SSPN: variants seen among roughly 807,000 people sequenced by gnomAD.
The protein encoded by SSPN is sarcospan.
SSPN carries 15 observed loss-of-function variants against 19.1 expected under a neutral mutation model. That is an observed-to-expected ratio of 0.78 (90% CI 0.52 to 1.21). SSPN has a LOEUF of 1.21. SSPN is among the 50% of genes most tolerant of loss of function. The pLI is 0.00. For synonymous variants in SSPN, 147 were observed against 140.3 expected (o/e 1.05, Z -0.34); for missense variants, 291 against 314.0 (o/e 0.93, Z 0.55).
chr12:26,226,171 A>G (rs570570562), intron 2 of SSPN, among the ~76,000 whole-genome samples: 68 of 152,086 alleles, frequency 4.5e-4, no homozygotes, highest in Non-Finnish European at 6.9e-4. Context: ...GTTGCATGCT[A>G]CATTATCTTC....
chr12:26,229,885 G>T (rs576786744), intron 2 of SSPN, among the ~76,000 whole-genome samples: 1 of 152,330 alleles, frequency 6.6e-6, no homozygotes, highest in South Asian at 2.1e-4. Context: ...GTTTTGCTCA[G>T]AATATTTTAG....
intron 1 of SSPN, among the ~76,000 whole-genome samples, chr12:26,207,514 A>AT (rs1339048056): frequency 1.3e-5 from 2 of 152,082 alleles, no homozygotes; most frequent in Non-Finnish European, 2.9e-5. Context: ...TGAATTTGGT[A>AT]TTTTTTATGC....
intron 1 of SSPN, among the ~76,000 whole-genome samples, chr12:26,222,712 C>T (rs548540387): frequency 6.6e-5 from 10 of 152,178 alleles, no homozygotes; most frequent in Non-Finnish European, 1.2e-4. Context: ...TGATTAGAAA[C>T]TCTAAATCCT....
intron 1 of SSPN, among the ~76,000 whole-genome samples, chr12:26,186,524 A>G (rs1944755400): frequency 6.6e-6 from 1 of 152,204 alleles, no homozygotes; most frequent in African/African-American, 2.4e-5. Context: ...GTCTTCCCAC[A>G]CAAGTTGACA....
At chr12:26,194,700 A>G (rs1944810783), upstream of SSPN, among the ~76,000 whole-genome samples, 1 of 152,196 alleles carries the variant, frequency 6.6e-6, no homozygotes, top group Non-Finnish European at 1.5e-5. Flanking sequence ...AATACACGTG[A>G]GAGGCCGGGT....
chr12:26,122,454 A>G, intron 1 of SSPN: 1 of 1,354,018 alleles, frequency 7.4e-7, no homozygotes, highest in Non-Finnish European at 9.6e-7. Flanking sequence ...AGAAGGCGAG[A>G]GGAAGCAGAA....
chr12:26,122,038 G>C, exon 1 of SSPN: 1 of 1,548,782 alleles, frequency 6.5e-7, no homozygotes, highest in South Asian at 1.2e-5. Flanking sequence ...CACTCTGCTT[G>C]AACCTCCGTC....
intron 1 of SSPN, chr12:26,124,454 T>G: frequency 6.5e-7 from 1 of 1,532,374 alleles, no homozygotes; most frequent in Non-Finnish European, 9.0e-7. Context: ...AGCTTCACTG[T>G]GAAATCAATG....
intron 1 of SSPN, among the ~76,000 whole-genome samples, chr12:26,140,945 T>G (rs2137405571): frequency 6.6e-6 from 1 of 152,316 alleles, no homozygotes; most frequent in East Asian, 1.9e-4. Context: ...ATAAAGCAGC[T>G]CCTGCCACTT....
intron 1 of SSPN, 144 bp downstream of exon 1, chr12:26,196,095 G>A (rs1051368757): frequency 5.6e-6 from 4 of 712,366 alleles, no homozygotes; most frequent in Admixed American, 8.4e-5. Context: ...ACTGATGCGT[G>A]GGGCACTGGG....
At chr12:26,124,892 T>G in intron 1 of SSPN, 3 of 1,045,796 alleles carry the variant, frequency 2.9e-6, no homozygotes, top group Non-Finnish European at 4.5e-6. Context: ...AGTCTCTCTC[T>G]CGCTCTCCCT....
At chr12:26,212,543 G>A (rs1473627219) in intron 1 of SSPN, among the ~76,000 whole-genome samples, 1 of 151,962 alleles carries the variant, frequency 6.6e-6, no homozygotes, top group East Asian at 1.9e-4. Flanking sequence ...GACCAGATGA[G>A]GCTCTGTGTC....
intron 1 of SSPN, among the ~76,000 whole-genome samples, chr12:26,164,139 C>A (rs1407979148): frequency 1.3e-5 from 2 of 152,208 alleles, no homozygotes; most frequent in Non-Finnish European, 2.9e-5. Flanking sequence ...CTGATAATCA[C>A]CTGAACTGCA....
chr12:26,122,300 AGCGGCGGCGGCGGCT>A (rs1944315422), intron 1 of SSPN: 1 of 1,163,592 alleles, frequency 8.6e-7, no homozygotes, highest in Non-Finnish European at 1.1e-6. Flanking sequence ...CGGCGGCGGC[AGCGGCGGCGGCGGCT>A]GCCGCGGCTG....
intron 1 of SSPN, chr12:26,122,570 C>A: frequency 1.8e-6 from 2 of 1,118,016 alleles, no homozygotes; most frequent in Non-Finnish European, 2.2e-6. Flanking sequence ...CGGGTCTCAG[C>A]AGCGCGGCCG....
At chr12:26,147,517 C>A (rs61915726) in intron 1 of SSPN, among the ~76,000 whole-genome samples, 3 of 151,920 alleles carry the variant, frequency 2.0e-5, no homozygotes, top group Admixed American at 2.0e-4. Context: ...GTGTTCCACC[C>A]GTCTTGGCCT....
intron 1 of SSPN, among the ~76,000 whole-genome samples, chr12:26,205,437 G>GA (rs1173444627): frequency 2.6e-5 from 4 of 152,100 alleles, no homozygotes; most frequent in South Asian, 2.1e-4. Flanking sequence ...CTAAGTGGGG[G>GA]AAAAAACACT....
intron 1 of SSPN, among the ~76,000 whole-genome samples, chr12:26,183,702 A>G (rs1275042888): frequency 1.3e-5 from 2 of 152,236 alleles, no homozygotes; most frequent in African/African-American, 4.8e-5. Context: ...TGCAAGCCAC[A>G]GCCACCCTTC....
intron 1 of SSPN, among the ~76,000 whole-genome samples, chr12:26,168,141 A>C (rs1454103797): frequency 6.7e-6 from 1 of 148,274 alleles, no homozygotes; most frequent in Non-Finnish European, 1.5e-5. Context: ...TGAGCCAGGG[A>C]GGTTGAGTCT....
Sources: allele counts gnomAD v4.1 joint callset (sites outside exome capture counted in the v4.1 genomes callset), GRCh38; gene constraint gnomAD v4.1.1; transcripts MANE v1.5; gene names NCBI Gene and HGNC (gene_info 2026-07-23, HGNC 2026-07-21).